PDLIM1: variants seen among roughly 807,000 people sequenced by gnomAD.
PDLIM1 encodes the protein PDZ and LIM domain protein 1.
Under a neutral mutation model 35.2 loss-of-function variants are expected in PDLIM1, and 25 were observed. The ratio of observed to expected loss-of-function variants is 0.71; its 90% CI spans 0.52 to 0.99. PDLIM1 has a LOEUF of 0.99. PDLIM1 is among the 50% of genes least tolerant of loss of function. The pLI is 0.00. For missense variants in PDLIM1, 363 were observed against 415.3 expected (o/e 0.87, Z 1.09); for synonymous variants, 152 against 154.0 (o/e 0.99, Z 0.10).
At chr10:95,254,507 T>C (rs1489909738) in intron 4 of PDLIM1, among the ~76,000 whole-genome samples, 3 of 152,138 alleles carry the variant, frequency 2.0e-5, no homozygotes, top group Admixed American at 6.5e-5. Flanking sequence ...CAAAAACTGA[T>C]AGAACTGAAA....
rs562459568 is a variant in PDLIM1, at chr10:95,265,828, T to C, written c.334-1765A>G. On this transcript the variant is annotated intron_variant, in intron 3 of 6. Coordinates refer to ENST00000329399, the MANE Select transcript of PDLIM1 (RefSeq NM_020992.4). ...GAGGCAGGAGGATCATGTAAGCCCA[T>C]GAGATGGAGGATGCAGTGTGCCATA... Among the ~76,000 whole-genome samples the C allele has an allele frequency of 7.2e-5, 11 of 152,124 alleles. No homozygotes were observed. In the South Asian group the frequency reaches 2.3e-3, roughly 32 times the overall value.
rs2035405500 is a variant in PDLIM1, at chr10:95,265,455, C to T, written c.334-1392G>A. Among the ~76,000 whole-genome samples the T allele has an allele frequency of 7.9e-5, 12 of 152,052 alleles. No homozygotes were observed. In the South Asian group the frequency reaches 2.1e-3, roughly 26 times the overall value. ...ACTAAAAATACAAAAATTAGCCAGA[C>T]ATGGTGGCGCATGCCTGTAATCCCA... On this transcript the variant is annotated intron_variant, in intron 3 of 6. Coordinates refer to ENST00000329399, the MANE Select transcript of PDLIM1 (RefSeq NM_020992.4).
At chr10:95,268,278 GT>G (rs1487592121) in intron 3 of PDLIM1, among the ~76,000 whole-genome samples, 1 of 152,118 alleles carries the variant, frequency 6.6e-6, no homozygotes, top group African/African-American at 2.4e-5. Context: ...CTCACTAGAA[GT>G]TTCACTGTAA....
intron 5 of PDLIM1, among the ~76,000 whole-genome samples, chr10:95,240,597 G>A (rs747370086): frequency 3.9e-5 from 6 of 152,142 alleles, no homozygotes; most frequent in Admixed American, 1.3e-4. Flanking sequence ...ACCATGGCAC[G>A]TCATTACCTA....
intron 4 of PDLIM1, among the ~76,000 whole-genome samples, chr10:95,250,531 G>T (rs2035258310): frequency 2.0e-5 from 3 of 152,158 alleles, no homozygotes; most frequent in African/African-American, 7.2e-5. Context: ...ACAAGGTATT[G>T]ACATGATACC....
intron 1 of PDLIM1, among the ~76,000 whole-genome samples, chr10:95,284,230 TAGG>T (rs2035583017): frequency 6.6e-6 from 1 of 152,208 alleles, no homozygotes. Context: ...ACTATTTAAC[TAGG>T]AGAACTGTTG....
intron 4 of PDLIM1, among the ~76,000 whole-genome samples, chr10:95,257,467 C>T (rs1476115994): frequency 1.3e-5 from 2 of 151,688 alleles, no homozygotes; most frequent in Non-Finnish European, 2.9e-5. Flanking sequence ...TACAACTCAA[C>T]AAAAAACAAA....
chr10:95,285,026 A>G (rs2035591065), intron 1 of PDLIM1, among the ~76,000 whole-genome samples: 1 of 152,182 alleles, frequency 6.6e-6, no homozygotes, highest in Non-Finnish European at 1.5e-5. Context: ...GGCTACCGCA[A>G]GGTGGAACTG....
chr10:95,237,943 G>A lies in PDLIM1; in HGVS notation c.972C>T (p.Val324=), dbSNP rs376960366. The change falls in exon 7 of 7, where the codon GTC becomes GTT. Residue 324 remains valine (V), a synonymous_variant. Coordinates refer to ENST00000329399, the MANE Select transcript of PDLIM1 (RefSeq NM_020992.4). ...RVTPPEGYEV[V]TVFPK Reference sequence around the variant, plus strand: ...TGCTGGCTCACTTGGGGAACACAGTGACCACTTCATAACCCTCAGGTGGTG... The same window carrying A: ...TGCTGGCTCACTTGGGGAACACAGTAACCACTTCATAACCCTCAGGTGGTG... 6.2e-7 allele frequency: 1 copy of A among 1,614,110 alleles called. No homozygotes were observed. The highest frequency in any genetic ancestry group is 1.7e-5 in the Admixed American group (1 of 60,028).
At chr10:95,271,604 A>C in intron 2 of PDLIM1, 29 bp downstream of exon 2, 1 of 1,575,524 alleles carries the variant, frequency 6.3e-7, no homozygotes, top group Non-Finnish European at 8.6e-7. Context: ...GTCAATCAGA[A>C]ATGAACAAAA....
intron 1 of PDLIM1, among the ~76,000 whole-genome samples, chr10:95,281,626 G>A (rs1253695878): frequency 6.6e-6 from 1 of 152,174 alleles, no homozygotes; most frequent in Non-Finnish European, 1.5e-5. Flanking sequence ...CCCTGAAAAT[G>A]CTATGCAAAT....
At position 95,247,314 on chromosome 10, in the gene PDLIM1, C is replaced by T; in HGVS notation, c.586G>A (p.Val196Ile). 1 of 1,614,062 alleles carries T rather than the reference C, an allele frequency of 6.2e-7. No homozygotes were observed. Among genetic ancestry groups the T allele is most frequent in the Non-Finnish European group, 8.5e-7 (1 of 1,179,906 alleles). ...SSLVIDKESE[V>I]YKMLQEKQEL... ...TGTTTCTCCTGAAGCATCTTGTAAA[C>T]TTCAGATTCTTTGTCGATGACAAGG... The change falls in exon 5 of 7, where the codon GTT becomes ATT. Residue 196 changes from valine (V) to isoleucine (I), a missense_variant. By Grantham distance (29) the Val-to-Ile change is conservative (BLOSUM62 3). Transcript: ENST00000329399.
At chr10:95,264,719 A>C (rs1400489748) in intron 3 of PDLIM1, among the ~76,000 whole-genome samples, 1 of 152,060 alleles carries the variant, frequency 6.6e-6, no homozygotes, top group Non-Finnish European at 1.5e-5. Context: ...AGAGCTGCAG[A>C]AAAGGACTTT....
chr10:95,247,213 AC>A lies in PDLIM1; in HGVS notation c.685+1del. ...CCTCTGACTGCAGATGGAGCTGATT[AC>A]CTTTTTCTTCAGACTCCAGGATTTC... On this transcript the variant is annotated splice_donor_variant, in intron 5 of 6. Transcript: ENST00000329399. LOFTEE classifies it high-confidence loss of function. 1 of 1,607,084 alleles carries A rather than the reference AC, an allele frequency of 6.2e-7. No individual in the cohort carries two copies. Among genetic ancestry groups the A allele is most frequent in the Non-Finnish European group, 8.5e-7 (1 of 1,175,108 alleles).
At chr10:95,252,809 T>C (rs554232276) in intron 4 of PDLIM1, among the ~76,000 whole-genome samples, 24 of 152,032 alleles carry the variant, frequency 1.6e-4, no homozygotes, top group African/African-American at 5.5e-4. Context: ...AACTGGAAGG[T>C]GAATATTAGA....
chr10:95,248,442 C>A (rs2035241353), intron 4 of PDLIM1, among the ~76,000 whole-genome samples: 1 of 152,124 alleles, frequency 6.6e-6, no homozygotes, highest in South Asian at 2.1e-4. Flanking sequence ...GAGACAGAGT[C>A]TTGCTGTGTT....
At chr10:95,285,335 G>A (rs2035593447) in intron 1 of PDLIM1, among the ~76,000 whole-genome samples, 1 of 152,184 alleles carries the variant, frequency 6.6e-6, no homozygotes, top group African/African-American at 2.4e-5. Flanking sequence ...GCTCCAGGGT[G>A]TGGAGCCCAG....
At chr10:95,258,801 T>C (rs1286553956) in intron 4 of PDLIM1, among the ~76,000 whole-genome samples, 1 of 151,934 alleles carries the variant, frequency 6.6e-6, no homozygotes, top group Non-Finnish European at 1.5e-5. Context: ...ACGTTTAAGA[T>C]CATAAATTTC....
At chr10:95,265,704 T>C (rs2035409581) in intron 3 of PDLIM1, among the ~76,000 whole-genome samples, 1 of 150,972 alleles carries the variant, frequency 6.6e-6, no homozygotes, top group Non-Finnish European at 1.5e-5. Flanking sequence ...TGCTTGAGCC[T>C]AGGAGTTCGA....
Sources: gnomAD v4.1 joint callset for allele counts (sites outside exome capture counted in the v4.1 genomes callset) on GRCh38, gnomAD v4.1.1 for gene constraint, MANE v1.5 for transcripts, NCBI Gene and HGNC (gene_info 2026-07-23, HGNC 2026-07-21) for gene names.